The following POLA1 variants were observed in gnomAD, a reference collection of about 807,000 sequenced individuals.
The protein encoded by POLA1 is DNA polymerase alpha catalytic subunit.
POLA1 carries 15 observed loss-of-function variants against 124.0 expected under a neutral mutation model. The ratio of observed to expected loss-of-function variants is 0.12; its 90% CI spans 0.08 to 0.19. The LOEUF is 0.19. POLA1 is among the 10% of genes least tolerant of loss of function. The probability of loss-of-function intolerance (pLI) is 1.00; values close to 1 mark genes in which losing one functional copy is unlikely to be tolerated. For synonymous variants in POLA1, 408 were observed against 389.4 expected (o/e 1.05, Z -0.56); for missense variants, 886 against 1,103.4 (o/e 0.80, Z 2.79).
chrX:24,720,661 G>T (rs916409569), intron 10 of POLA1, among the ~76,000 whole-genome samples: 5 of 111,744 alleles, frequency 4.5e-5, no homozygotes, highest in African/African-American at 1.6e-4. Context: ...AGTTGCCAAG[G>T]ATTAGAACCT....
chrX:24,909,336 C>T (rs1356106750), intron 35 of POLA1, among the ~76,000 whole-genome samples: 1 of 111,960 alleles, frequency 8.9e-6, no homozygotes, highest in African/African-American at 3.2e-5. Context: ...ATGGTATTGC[C>T]TAGGTTTTCT....
Position 24,888,495 on chromosome X carries a change from G to A in POLA1, c.4164+373G>A, listed in dbSNP as rs1168287413. Among the ~76,000 whole-genome samples the A allele has an allele frequency of 6.4e-5, 7 of 109,981 alleles. No individual in the cohort carries two copies. The Admixed American group carries it at 6.8e-4, about 11-fold the overall frequency. ...TCCTCCCAATTCTGTACCCTGAATG[G>A]TTTATTTTGTGGGGTTTTTGGTCCC... is the stretch of plus-strand genomic sequence containing the variant. On this transcript the variant is annotated intron_variant, in intron 35 of 36. Coordinates refer to ENST00000379068, the MANE Select transcript of POLA1 (RefSeq NM_001330360.2).
At chrX:24,707,381 G>A (rs1928881373) in intron 4 of POLA1, among the ~76,000 whole-genome samples, 1 of 112,138 alleles carries the variant, frequency 8.9e-6, no homozygotes, top group African/African-American at 3.2e-5. Context: ...ATGTAGTTTT[G>A]TTGAATAAAG....
At chrX:24,741,548 T>G (rs764436644) in intron 21 of POLA1, 44 bp downstream of exon 21, 2 of 1,126,193 alleles carry the variant, frequency 1.8e-6, no homozygotes, top group Admixed American at 4.4e-5. Context: ...TCCTGTTGGA[T>G]TCAGTGTTTG....
At chrX:24,913,653 G>T (rs760723670) in intron 35 of POLA1, among the ~76,000 whole-genome samples, 1 of 109,030 alleles carries the variant, frequency 9.2e-6, no homozygotes, top group South Asian at 4.1e-4. Flanking sequence ...GATGGAGGTT[G>T]CAGTGAGCTG....
chrX:24,947,471 A>G (rs1458567892), intron 36 of POLA1, among the ~76,000 whole-genome samples: 2 of 107,623 alleles, frequency 1.9e-5, no homozygotes, highest in Non-Finnish European at 1.9e-5. Flanking sequence ...AGGTTTTGCC[A>G]TGTTGCTCAA....
chrX:24,865,586 A>C (rs1195451388), intron 34 of POLA1, among the ~76,000 whole-genome samples: 2 of 112,067 alleles, frequency 1.8e-5, no homozygotes, highest in Admixed American at 1.9e-4. Context: ...ATTAAAACAC[A>C]GAGATTTTTA....
At position 24,717,290 on chromosome X, in the gene POLA1, G is replaced by A. The variant is rs1929909047; in HGVS notation, c.707G>A (p.Gly236Asp). ...CAAGAATGTGTGATGATGCCTACAGGCGATGATGTACAGGTCGAGAGTACA... is the reference window on the plus strand; with the variant it reads ...CAAGAATGTGTGATGATGCCTACAGACGATGATGTACAGGTCGAGAGTACA... ...PVPLKRAEFA[G>D]DDVQVESTEE... The change falls in exon 9 of 37, where the codon GGC becomes GAC. Residue 236 changes from glycine (G) to aspartate (D), a missense_variant and splice_region_variant. By Grantham distance (94) the Gly-to-Asp change is moderately conservative. Coordinates refer to ENST00000379068, the MANE Select transcript of POLA1 (RefSeq NM_001330360.2). 8.3e-7 allele frequency: 1 copy of A among 1,203,796 alleles called. No homozygotes were observed. Among genetic ancestry groups the A allele is most frequent in the East Asian group, 3.0e-5 (1 of 33,752 alleles).
intron 24 of POLA1, 31 bp from the exon 25 acceptor site, chrX:24,748,280 A>T (rs1932134672): frequency 1.8e-6 from 2 of 1,117,917 alleles, no homozygotes; most frequent in Non-Finnish European, 2.4e-6. Context: ...CAAAAGTTTG[A>T]TTTGTGTGAA....
chrX:24,757,831 C>T (rs1212864059), intron 26 of POLA1, among the ~76,000 whole-genome samples: 1 of 111,522 alleles, frequency 9.0e-6, no homozygotes, highest in Non-Finnish European at 1.9e-5. Flanking sequence ...GGATGCTCAT[C>T]CAGTATAATG....
At chrX:24,990,769 G>A (rs1426080695) in intron 36 of POLA1, among the ~76,000 whole-genome samples, 2 of 111,907 alleles carry the variant, frequency 1.8e-5, no homozygotes, top group Admixed American at 9.5e-5. Context: ...GCGTTTTGTA[G>A]GAAATGCTAT....
intron 15 of POLA1, among the ~76,000 whole-genome samples, chrX:24,729,750 T>G (rs767745986): frequency 1.8e-5 from 2 of 111,129 alleles, no homozygotes; most frequent in African/African-American, 6.6e-5. Context: ...TAACAGCATT[T>G]TGTCAGTGTT....
At chrX:24,742,644 G>A (rs923594126) in intron 22 of POLA1, among the ~76,000 whole-genome samples, 68 of 111,892 alleles carry the variant, frequency 6.1e-4, no homozygotes, top group African/African-American at 2.2e-3. Flanking sequence ...ATTTGATTCA[G>A]GTTCTCATAT....
chrX:24,698,479 A>T (rs1051245073), intron 1 of POLA1, among the ~76,000 whole-genome samples: 6 of 111,179 alleles, frequency 5.4e-5, no homozygotes, highest in African/African-American at 2.0e-4. Context: ...TCCAGCCCTC[A>T]ATCTGTTCCT....
chrX:24,726,428 C>T (rs1177195532), intron 13 of POLA1, among the ~76,000 whole-genome samples: 1 of 112,140 alleles, frequency 8.9e-6, no homozygotes, highest in Non-Finnish European at 1.9e-5. Flanking sequence ...GCTGCTCTTG[C>T]TCCTGTGACA....
At chrX:24,923,182 ATCT>A (rs1368889468) in intron 35 of POLA1, among the ~76,000 whole-genome samples, 1 of 111,551 alleles carries the variant, frequency 9.0e-6, no homozygotes, top group African/African-American at 3.3e-5. Context: ...ATTCTATATA[ATCT>A]TCTAACAGCA....
intron 8 of POLA1, 97 bp downstream of exon 8, chrX:24,717,068 G>T: frequency 3.3e-6 from 2 of 600,221 alleles, no homozygotes; most frequent in South Asian, 5.7e-5. Context: ...TTTTGAAGGT[G>T]TTGTGATGGC....
chrX:24,730,631 T>G (rs1206504300), intron 15 of POLA1, among the ~76,000 whole-genome samples: 2 of 112,289 alleles, frequency 1.8e-5, no homozygotes, highest in African/African-American at 6.5e-5. Flanking sequence ...TGGAACATCT[T>G]ATTATACCAG....
At chrX:24,852,896 G>A (rs2046585091) in intron 34 of POLA1, among the ~76,000 whole-genome samples, 1 of 111,651 alleles carries the variant, frequency 9.0e-6, no homozygotes, top group African/African-American at 3.3e-5. Flanking sequence ...GCCCAGCCTA[G>A]CAGGGCTTCC....
Sources: gnomAD v4.1 joint callset for allele counts (sites outside exome capture counted in the v4.1 genomes callset) on GRCh38, gnomAD v4.1.1 for gene constraint, MANE v1.5 for transcripts, NCBI Gene and HGNC (gene_info 2026-07-23, HGNC 2026-07-21) for gene names.